Variants in SEMA4D observed in about 807,000 individuals in gnomAD.
The protein encoded by SEMA4D is semaphorin 4D, also known as semaphorin-4D.
In SEMA4D, 22 loss-of-function variants were observed where a neutral mutation model predicts 74.8. That is an observed-to-expected ratio of 0.29 (90% CI 0.21 to 0.42). The LOEUF is 0.42. SEMA4D is among the 10% of genes least tolerant of loss of function. The probability of loss-of-function intolerance (pLI) is 1.00; values close to 1 mark genes in which losing one functional copy is unlikely to be tolerated. For missense variants in SEMA4D, 937 were observed against 1,118.4 expected, an observed-to-expected ratio of 0.84 and a Z score of 2.31; for synonymous variants, 445 against 463.7, an observed-to-expected ratio of 0.96 and a Z score of 0.52.
rs186559454 is a variant in SEMA4D at position 89,412,792 on chromosome 9, G to A, written c.-243-7093C>T. 1.7e-3 allele frequency among the ~76,000 whole-genome samples: 262 copies of A among 152,316 alleles called. 2 individuals are homozygous for A. The highest frequency in any genetic ancestry group is 2.9e-3 in the Non-Finnish European group (196 of 68,028). ...TGCCACATACTGCTCCTCCCAGGGA[G>A]GGGGAGGGGGCTGCACATTTTCTTT... On this transcript the variant is annotated intron_variant, in intron 2 of 15. Transcript: ENST00000422704.
chr9:89,473,018 C>T (rs1860797660), intron 1 of SEMA4D, among the ~76,000 whole-genome samples: 1 of 151,384 alleles, frequency 6.6e-6, no homozygotes, highest in South Asian at 2.1e-4. Context: ...ATCACTTGAG[C>T]CCAGGAGGTT....
chr9:89,371,454 CTG>C (rs1430417195), intron 16 of SEMA4D, among the ~76,000 whole-genome samples: 9 of 27,446 alleles, frequency 3.3e-4, no homozygotes, highest in Admixed American at 5.1e-4. Context: ...TGGTGTGTGT[CTG>C]GGGTGTGTGT....
chr9:89,396,667 T>C, intron 6 of SEMA4D, 70 bp downstream of exon 6: 1 of 1,296,728 alleles, frequency 7.7e-7, no homozygotes, highest in Non-Finnish European at 1.1e-6. Context: ...TTACGTCTGC[T>C]TTGAGCCCCC....
At chr9:89,445,601 A>G (rs1449807462) in intron 2 of SEMA4D, among the ~76,000 whole-genome samples, 1 of 152,076 alleles carries the variant, frequency 6.6e-6, no homozygotes, top group Non-Finnish European at 1.5e-5. Context: ...AACCAATAGG[A>G]TGTGCACAGG....
chr9:89,397,964 G>A (rs1030718564), intron 5 of SEMA4D, among the ~76,000 whole-genome samples: 2 of 152,126 alleles, frequency 1.3e-5, no homozygotes, highest in African/African-American at 2.4e-5. Flanking sequence ...ACACTGAGGG[G>A]CCTGAGGGAC....
Position 89,450,137 on chromosome 9 carries a change from T to C in SEMA4D, c.-244+5751A>G, listed in dbSNP as rs61735007. On this transcript the variant is annotated intron_variant, in intron 2 of 15. Transcript: ENST00000422704. ...TGCTGTCACACCAGCTGAAGCAGCA[T>C]GTCATCGATGGAGAAAAAACCATTA... The C allele has an allele frequency of 2.3e-3, 2,891 of 1,262,046 alleles. 41 individuals carry two copies. The African/African-American group carries it at 0.037, about 16-fold the overall frequency. The allele number at this position is 1,262,046 out of a possible 1,614,324, so 78.2% of individuals were successfully genotyped here.
intron 13 of SEMA4D, chr9:89,386,072 T>C (rs1249796931): frequency 1.0e-6 from 1 of 985,344 alleles, no homozygotes; most frequent in African/African-American, 1.7e-5. Flanking sequence ...GGTGTCTTCA[T>C]GGAGCAGTGC....
intron 1 of SEMA4D, among the ~76,000 whole-genome samples, chr9:89,457,797 G>A (rs1302742187): frequency 1.3e-5 from 2 of 152,066 alleles, no homozygotes; most frequent in African/African-American, 4.8e-5. Flanking sequence ...CCTTTGGGAG[G>A]CCGAAGGTGG....
chr9:89,459,838 C>A (rs983543257), intron 1 of SEMA4D, among the ~76,000 whole-genome samples: 1 of 152,214 alleles, frequency 6.6e-6, no homozygotes. Context: ...GTGGCTAACA[C>A]GAGGGAGCCC....
At chr9:89,371,433 T>G in intron 16 of SEMA4D, among the ~76,000 whole-genome samples, 1 of 74,996 alleles carries the variant, frequency 1.3e-5, no homozygotes, top group African/African-American at 4.9e-5. Flanking sequence ...CTGGGGTGTG[T>G]GTGTGGGGTG....
chr9:89,447,894 T>C (rs1328366349), intron 2 of SEMA4D, among the ~76,000 whole-genome samples: 1 of 152,264 alleles, frequency 6.6e-6, no homozygotes, highest in African/African-American at 2.4e-5. Flanking sequence ...GGCACAGGCA[T>C]GGCGCCAGCC....
At chr9:89,374,723 T>C (rs1323097746), downstream of SEMA4D, among the ~76,000 whole-genome samples, 2 of 152,184 alleles carry the variant, frequency 1.3e-5, no homozygotes, top group East Asian at 3.9e-4. Context: ...TATGCCTGCC[T>C]AGCTACAGGG....
chr9:89,412,445 G>T (rs917494792), intron 2 of SEMA4D, among the ~76,000 whole-genome samples: 11 of 152,332 alleles, frequency 7.2e-5, no homozygotes, highest in African/African-American at 2.6e-4. Context: ...GGACTGTCAG[G>T]ACTGGTGCTG....
At chr9:89,390,418 C>T (rs2133163014) in intron 9 of SEMA4D, among the ~76,000 whole-genome samples, 1 of 152,314 alleles carries the variant, frequency 6.6e-6, no homozygotes, top group South Asian at 2.1e-4. Flanking sequence ...CTACGGAAGG[C>T]CTGGGCAGGG....
downstream of SEMA4D, chr9:89,376,635 G>A (rs1835823698): frequency 1.4e-6 from 1 of 732,996 alleles, no homozygotes; most frequent in Admixed American, 3.1e-5. Flanking sequence ...ACTAGAAGTG[G>A]CTTCACACTG....
At position 89,379,507 on chromosome 9, in the gene SEMA4D, C is replaced by A; in HGVS notation, c.1786G>T (p.Ala596Ser). 1 of 1,614,196 alleles carries A rather than the reference C, an allele frequency of 6.2e-7. No homozygotes were observed. Among genetic ancestry groups the A allele is most frequent in the Non-Finnish European group, 8.5e-7 (1 of 1,180,038 alleles). ...ATAAGACCGTACTTGGGGCTCTCGG[C>A]CTTCAACACGCCATTCTGGAACTTC... ...FWKFQNGVLK[A>S]ESPKYGLMGR... is the part of the protein sequence containing the mutation. The change falls in exon 16 of 16, where the codon GCC becomes TCC. Residue 596 changes from alanine (A) to serine (S), a missense_variant. Ala to Ser is a moderately conservative substitution (Grantham distance 99). Transcript: ENST00000422704.
At chr9:89,496,830 C>A (rs534783080) in intron 1 of SEMA4D, among the ~76,000 whole-genome samples, 2 of 152,192 alleles carry the variant, frequency 1.3e-5, no homozygotes, top group Non-Finnish European at 2.9e-5. Context: ...GGTGTCACGT[C>A]ACCCCCAGGA....
At chr9:89,473,004 G>A (rs1041758796) in intron 1 of SEMA4D, among the ~76,000 whole-genome samples, 1 of 152,062 alleles carries the variant, frequency 6.6e-6, no homozygotes, top group Non-Finnish European at 1.5e-5. Context: ...GCTGAGGTGG[G>A]AGGATCACTT....
At chr9:89,468,343 G>T (rs1293604703) in intron 1 of SEMA4D, among the ~76,000 whole-genome samples, 1 of 152,192 alleles carries the variant, frequency 6.6e-6, no homozygotes, top group African/African-American at 2.4e-5. Flanking sequence ...CACATAGGAA[G>T]ATGCTACAAT....
Sources: gnomAD v4.1 joint callset for allele counts (sites outside exome capture counted in the v4.1 genomes callset) on GRCh38, gnomAD v4.1.1 for gene constraint, MANE v1.5 for transcripts, NCBI Gene and HGNC (gene_info 2026-07-23, HGNC 2026-07-21) for gene names.